IGDCC3: variants seen among roughly 807,000 people sequenced by gnomAD.
IGDCC3 encodes immunoglobulin superfamily DCC subclass member 3.
IGDCC3 carries 47 observed loss-of-function variants against 72.0 expected under a neutral mutation model. The ratio of observed to expected loss-of-function variants is 0.65; its 90% CI spans 0.52 to 0.83. The LOEUF is 0.83. Ranked by LOEUF, IGDCC3 falls within the 40% of genes least tolerant of loss-of-function variation. IGDCC3 has a pLI of 0.00. For synonymous variants in IGDCC3, 477 were observed against 472.8 expected (o/e 1.01, Z -0.11); for missense variants, 1,038 against 1,091.3 (o/e 0.95, Z 0.69).
At chr15:65,374,230 A>T (rs1248902494) in intron 2 of IGDCC3, 1 of 152,224 alleles carries the variant, frequency 6.6e-6, no homozygotes, top group Non-Finnish European at 1.5e-5. Context: ...GTCCAGAGAT[A>T]TGAGATGGAG....
chr15:65,373,369 G>GGCCGAGAGA (rs575056599), intron 2 of IGDCC3: 2,842 of 152,448 alleles, frequency 0.019, 41 homozygotes, highest in South Asian at 0.04. Context: ...CTGCCGGGAG[G>GGCCGAGAGA]GCCGAGAGAT....
At chr15:65,333,019 A>AGCC (rs1567061083) in intron 6 of IGDCC3, among the ~76,000 whole-genome samples, 4 of 152,050 alleles carry the variant, frequency 2.6e-5, no homozygotes, top group Non-Finnish European at 4.4e-5. Flanking sequence ...GTATTGACGG[A>AGCC]CCCGGAGGGC....
chr15:65,331,266 C>A, intron 8 of IGDCC3, 52 bp from the exon 9 acceptor site: 1 of 1,597,210 alleles, frequency 6.3e-7, no homozygotes, highest in Non-Finnish European at 8.5e-7. Flanking sequence ...GGGAGTCCTG[C>A]CAGCATTGGT....
At position 65,327,820 on chromosome 15, in the gene IGDCC3, CCCATCCCACACAT is replaced by C. The variant is rs1340292418; in HGVS notation, c.*1076_*1088del. The C allele has an allele frequency of 1.3e-5, 2 of 151,824 alleles. No homozygotes were observed. The highest frequency in any genetic ancestry group is 1.3e-4 in the Admixed American group (2 of 15,262). The allele number at this position is 151,824 out of a possible 1,614,324, so 9.4% of individuals were successfully genotyped here. On this transcript the variant is annotated 3_prime_UTR_variant, in exon 14 of 14. Coordinates refer to ENST00000327987, the MANE Select transcript of IGDCC3 (RefSeq NM_004884.4). The stretch of plus-strand genomic sequence containing the variant: ...CCACACCCCCTCACCCTCCCACACA[CCCATCCCACACAT>C]GGTACATTCCAGGGGCCGGGCCTGC...
chr15:65,370,517 T>C (rs139564231), intron 2 of IGDCC3, among the ~76,000 whole-genome samples: 4 of 6,536 alleles, frequency 6.1e-4, no homozygotes, highest in African/African-American at 1.1e-3. Context: ...AAAAAAAAAA[T>C]ATATATATAT....
chr15:65,348,070 A>T (rs1284041765), intron 2 of IGDCC3, among the ~76,000 whole-genome samples: 1 of 152,060 alleles, frequency 6.6e-6, no homozygotes, highest in Non-Finnish European at 1.5e-5. Context: ...TCACTGCTAC[A>T]CTCCCATCAG....
intron 9 of IGDCC3, 71 bp from the exon 10 acceptor site, chr15:65,330,812 AC>A: frequency 7.5e-7 from 1 of 1,329,818 alleles, no homozygotes; most frequent in Non-Finnish European, 1.0e-6. Context: ...TCCACCTGTG[AC>A]CCCGACCCCC....
At chr15:65,366,845 T>TGCCCCTCGTCAGGGA (rs59800496) in intron 2 of IGDCC3, among the ~76,000 whole-genome samples, 1 of 151,948 alleles carries the variant, frequency 6.6e-6, no homozygotes, top group Admixed American at 6.5e-5. Flanking sequence ...TGAGTCCAGG[T>TGCCCCTCGTCAGGGA]GCCCACAGAA....
At chr15:65,342,031 T>C (rs1330694712) in intron 2 of IGDCC3, among the ~76,000 whole-genome samples, 2 of 151,922 alleles carry the variant, frequency 1.3e-5, no homozygotes, top group East Asian at 3.9e-4. Flanking sequence ...CAGCTGGGCC[T>C]CCCAAAGTGT....
At chr15:65,370,334 T>C (rs142076964) in intron 2 of IGDCC3, among the ~76,000 whole-genome samples, 2,655 of 151,632 alleles carry the variant, frequency 0.018, 85 homozygotes, top group African/African-American at 0.06. Flanking sequence ...GCCAACATGA[T>C]GAAACCCTGT....
chr15:65,370,862 G>A (rs1036988740), intron 2 of IGDCC3, among the ~76,000 whole-genome samples: 2 of 152,028 alleles, frequency 1.3e-5, no homozygotes, highest in Non-Finnish European at 2.9e-5. Context: ...GACTTCAAGC[G>A]ATCCTCCTGC....
chr15:65,349,401 TTC>T (rs141708888), intron 2 of IGDCC3, among the ~76,000 whole-genome samples: 1 of 152,154 alleles, frequency 6.6e-6, no homozygotes, highest in East Asian at 1.9e-4. Context: ...GATTTTGGGT[TTC>T]TCTCTCTCTG....
intron 2 of IGDCC3, among the ~76,000 whole-genome samples, chr15:65,348,525 G>A: frequency 6.6e-6 from 1 of 152,222 alleles, no homozygotes; most frequent in East Asian, 1.9e-4. Flanking sequence ...GGAATAGACT[G>A]CAGTGCTGAC....
chr15:65,365,040 C>T (rs1430475896), intron 2 of IGDCC3, among the ~76,000 whole-genome samples: 2 of 152,142 alleles, frequency 1.3e-5, no homozygotes, highest in Non-Finnish European at 2.9e-5. Flanking sequence ...CCCTTACCTG[C>T]CCAGACTGGA....
chr15:65,354,930 C>T (rs1269128457), intron 2 of IGDCC3, among the ~76,000 whole-genome samples: 3 of 152,212 alleles, frequency 2.0e-5, no homozygotes, highest in Non-Finnish European at 2.9e-5. Context: ...GCTGCCAGAG[C>T]TTCGGATTCA....
intron 8 of IGDCC3, 66 bp downstream of exon 8, chr15:65,331,346 T>A: frequency 6.4e-7 from 1 of 1,569,050 alleles, no homozygotes; most frequent in Non-Finnish European, 8.7e-7. Flanking sequence ...GGTCACGACG[T>A]GCAGGATTGG....
chr15:65,370,580 A>ATATATATG (rs565244390), intron 2 of IGDCC3, among the ~76,000 whole-genome samples: 5 of 130,462 alleles, frequency 3.8e-5, no homozygotes, highest in African/African-American at 9.0e-5. Context: ...GTATGTATAT[A>ATATATATG]TATGTATGTA....
rs1427623381 is a variant in IGDCC3 at position 65,334,767 on chromosome 15, T to C, written c.784A>G (p.Thr262Ala). The C allele has an allele frequency of 5.6e-6, 9 of 1,603,714 alleles. No individual in the cohort carries two copies. The highest frequency in any genetic ancestry group is 6.8e-6 in the Non-Finnish European group (8 of 1,175,386). The change falls in exon 5 of 14, where the codon ACG (threonine) becomes GCG (alanine). Residue 262 changes from threonine (T) to alanine (A), a missense_variant. Thr to Ala is a moderately conservative substitution (Grantham distance 58, BLOSUM62 0). Transcript: ENST00000327987. ...GACACAATGGGGCGCGGGTTGCCCG[T>C]GGCGACACACTCAAGCACCGCGGTC... Reference protein sequence around the residue: ...HQTAVLECVATGNPRPIVSWS... With the variant: ...HQTAVLECVAAGNPRPIVSWS...
At chr15:65,367,904 A>AAC (rs944520719) in intron 2 of IGDCC3, among the ~76,000 whole-genome samples, 1 of 151,978 alleles carries the variant, frequency 6.6e-6, no homozygotes, top group African/African-American at 2.4e-5. Context: ...CCCACCTGGC[A>AAC]ACACACACAC....
Sources: gnomAD v4.1 joint callset for allele counts (sites outside exome capture counted in the v4.1 genomes callset) on GRCh38, gnomAD v4.1.1 for gene constraint, MANE v1.5 for transcripts, NCBI Gene and HGNC (gene_info 2026-07-23, HGNC 2026-07-21) for gene names.